NFASC: variants seen among roughly 807,000 people sequenced by gnomAD.
NFASC encodes neurofascin homolog.
NFASC carries 43 observed loss-of-function variants against 147.5 expected under a neutral mutation model. The observed-to-expected ratio is 0.29, with a 90% CI of 0.23 to 0.38. NFASC has a LOEUF of 0.38. Ranked by LOEUF, NFASC falls within the 10% of genes least tolerant of loss-of-function variation. NFASC has a pLI of 1.00. For synonymous variants in NFASC, 622 were observed against 665.5 expected (o/e 0.93, Z 1.01); for missense variants, 1,320 against 1,689.0 (o/e 0.78, Z 3.83).
intron 8 of NFASC, chr1:204,961,992 C>G (rs1484639954): frequency 4.1e-6 from 3 of 739,858 alleles, no homozygotes; most frequent in Non-Finnish European, 7.2e-6. Context: ...TTGCAAAAGA[C>G]CACTGCTGCC....
In NFASC at chr1:205,016,807, T is replaced by TCTCG. The variant is rs2096366239; in HGVS notation, c.*270_*273dup. 2 of 535,436 alleles carry TCTCG rather than the reference T, an allele frequency of 3.7e-6. No individual in the cohort carries two copies. The highest frequency in any genetic ancestry group is 3.8e-5 in the African/African-American group (2 of 52,694). 33.2% of individuals were successfully genotyped at this position (535,436 alleles called of 1,614,324 possible). On this transcript the variant is annotated 3_prime_UTR_variant, in exon 30 of 30. Coordinates refer to ENST00000339876, the MANE Select transcript of NFASC (RefSeq NM_001005388.3). This position sits in a 1 kb window ranked among gnomAD's most constrained non-coding sequence, Gnocchi z 5.1. ...GGAGGGAGCCTGGCCCCTTGCCCGG[T>TCTCG]CTCGCAGCCACCCCGAGCGTTCCAC... is the stretch of plus-strand genomic sequence containing the variant.
chr1:204,828,769 C>G lies in NFASC; in HGVS notation c.-213C>G. 1.0e-6 allele frequency: 1 copy of G among 985,432 alleles called. No individual in the cohort carries two copies. The allele number at this position is 985,432 out of a possible 1,614,324, so 61.0% of individuals were successfully genotyped here. On this transcript the variant is annotated 5_prime_UTR_variant, in exon 1 of 30. Coordinates refer to ENST00000339876, the MANE Select transcript of NFASC (RefSeq NM_001005388.3). ...CTCGGACAGCGCCCAGGGCCGGAGC[C>G]CGAGCCCTTGGAGGTAGGCGAGCGC...
Position 205,009,579 on chromosome 1 carries a change from C to G in NFASC, c.3312C>G (p.Asp1104Glu). ...TSTAYTNNQA[D>E]IATQGWFIGL... ...CAGCTTACACCAACAACCAAGCGGA[C>G]ATCGCCACCCAGGGCTGGTTCATTG... The change falls in exon 28 of 30, where the codon GAC becomes GAG. Residue 1104 changes from aspartate to glutamate, a missense_variant. Around this residue, in one of 3 missense-constraint regions of NFASC, gnomAD observed 167 missense variants for 233.8 expected, o/e 0.71. Transcript: ENST00000339876. 3 of 1,614,160 alleles carry G rather than the reference C, an allele frequency of 1.9e-6. No individual in the cohort carries two copies. The highest frequency in any genetic ancestry group is 2.5e-6 in the Non-Finnish European group (3 of 1,180,008).
At position 204,944,396 on chromosome 1, in the gene NFASC, T is replaced by A. The variant is rs916428378; in HGVS notation, c.81T>A (p.Ile27=). The change falls in exon 3 of 30, where the codon ATT becomes ATA. Residue 27 remains isoleucine (I), a synonymous_variant. Transcript: ENST00000339876. ...TCAGTCTTGGCGGAGCCATCGAAAT[T>A]CCTATGGATCGTGAGTCCTGCCCCA... The part of the protein sequence containing the change: ...CLLSLGGAIE[I]PMDPSIQNEL... The A allele has an allele frequency of 4.9e-6, 7 of 1,439,134 alleles. No homozygotes were observed. Among genetic ancestry groups the A allele is most frequent in the Non-Finnish European group, 6.5e-6 (7 of 1,070,180 alleles). The allele number at this position is 1,439,134 out of a possible 1,614,324, so 89.1% of individuals were successfully genotyped here. A position where few individuals can be genotyped will look rare whatever the true frequency, so the allele number is the denominator to read the frequency against.
chr1:205,001,323 G>A (rs377376867), intron 26 of NFASC, 37 bp downstream of exon 26: 111 of 1,381,024 alleles, frequency 8.0e-5, no homozygotes, highest in Non-Finnish European at 9.9e-5. Context: ...TGGCGGCAGC[G>A]GCGTCGGCAG....
intron 1 of NFASC, among the ~76,000 whole-genome samples, chr1:204,872,585 C>T (rs551708324): frequency 6.6e-6 from 1 of 152,270 alleles, no homozygotes; most frequent in South Asian, 2.1e-4. Flanking sequence ...GTGTCCTCCA[C>T]CAAGCTTTTT....
At position 204,988,772 on chromosome 1, in the gene NFASC, C is replaced by T. The variant is rs909359304; in HGVS notation, c.2733C>T (p.Ala911=). 7 of 1,614,044 alleles carry T rather than the reference C, an allele frequency of 4.3e-6. No individual in the cohort carries two copies. The highest frequency in any genetic ancestry group is 1.3e-5 in the African/African-American group (1 of 74,900). The change falls in exon 23 of 30, where the codon GCC becomes GCT. Residue 911 remains alanine, a synonymous_variant. Coordinates refer to ENST00000339876, the MANE Select transcript of NFASC (RefSeq NM_001005388.3). The part of the protein sequence containing the change: ...SARTQVGSGE[A]VTEESPAPPN... ...GGACGCAGGTGGGCTCTGGGGAAGCCGTCACAGAGGAGTCACCAGCACCCC... is the reference window on the plus strand; with the variant it reads ...GGACGCAGGTGGGCTCTGGGGAAGCTGTCACAGAGGAGTCACCAGCACCCC...
rs1427330526 is a variant in NFASC at position 205,010,039 on chromosome 1, G to A, written c.3421+351G>A. The A allele has an allele frequency of 4.1e-6, 1 of 245,588 alleles. No homozygotes were observed. The highest frequency in any genetic ancestry group is 2.2e-5 in the African/African-American group (1 of 45,388). 15.2% of individuals were successfully genotyped at this position (245,588 alleles called of 1,614,324 possible). A position where few individuals can be genotyped will look rare whatever the true frequency, so the allele number is the denominator to read the frequency against. On this transcript the variant is annotated intron_variant, in intron 28 of 29. Transcript: ENST00000339876. This position sits in a 1 kb window ranked among gnomAD's most constrained non-coding sequence, Gnocchi z 4.1. ...ATCTCATTAGGATCCTGTGTCCCAG[G>A]GAAGGAGAAAGGAAGAGAGGCATTT...
intron 24 of NFASC, among the ~76,000 whole-genome samples, chr1:204,996,531 G>A (rs987453773): frequency 3.3e-5 from 5 of 152,146 alleles, no homozygotes; most frequent in Admixed American, 2.0e-4. Flanking sequence ...GGAGAGGCAG[G>A]GGAATGACCG....
intron 2 of NFASC, among the ~76,000 whole-genome samples, chr1:204,926,442 G>T (rs1281607302): frequency 8.2e-6 from 1 of 122,166 alleles, no homozygotes; most frequent in Admixed American, 9.6e-5. Context: ...TTGAGAGAGG[G>T]TCTCACTGTT....
At chr1:204,884,812 T>G (rs1172630728) in intron 1 of NFASC, among the ~76,000 whole-genome samples, 1 of 152,166 alleles carries the variant, frequency 6.6e-6, no homozygotes, top group East Asian at 1.9e-4. Context: ...GTGCCTGCAC[T>G]GCACCCACCA....
At chr1:204,983,187 C>T (rs112815904) in intron 21 of NFASC, among the ~76,000 whole-genome samples, 151 of 152,242 alleles carry the variant, frequency 9.9e-4, no homozygotes, top group African/African-American at 3.4e-3. Context: ...TTAGAAGGGA[C>T]GAGGCAGAGC....
At chr1:205,000,844 AAAC>A (rs2095965621) in intron 25 of NFASC, 1 of 358,478 alleles carries the variant, frequency 2.8e-6, no homozygotes, top group African/African-American at 2.1e-5. Flanking sequence ...AAAAAACAGA[AAAC>A]AAAAAAACTC....
intron 24 of NFASC, among the ~76,000 whole-genome samples, chr1:204,993,053 G>A (rs116556567): frequency 0.011 from 1,750 of 152,290 alleles, 23 homozygotes; most frequent in African/African-American, 0.04. Context: ...CTTTAAATGC[G>A]TAAGAACCTT....
chr1:204,902,978 T>C (rs1471911511), intron 1 of NFASC, among the ~76,000 whole-genome samples: 1 of 152,158 alleles, frequency 6.6e-6, no homozygotes, highest in Non-Finnish European at 1.5e-5. Flanking sequence ...GAAGGTTAGA[T>C]TCGACCAGAG....
At chr1:204,899,738 A>G (rs182264600) in intron 1 of NFASC, among the ~76,000 whole-genome samples, 1 of 152,218 alleles carries the variant, frequency 6.6e-6, no homozygotes, top group Admixed American at 6.5e-5. Context: ...AATGACTTAC[A>G]TATCACCTTG....
At chr1:204,920,604 G>C (rs911564441) in intron 1 of NFASC, 28 bp from the exon 2 acceptor site, 1 of 1,138,172 alleles carries the variant, frequency 8.8e-7, no homozygotes, top group Admixed American at 2.3e-5. Flanking sequence ...GTAACCCTGG[G>C]GTTCTCCTTT....
At chr1:204,835,843 C>G (rs997110807) in intron 1 of NFASC, among the ~76,000 whole-genome samples, 1 of 152,162 alleles carries the variant, frequency 6.6e-6, no homozygotes, top group Non-Finnish European at 1.5e-5. Flanking sequence ...CTTCTGGCCT[C>G]CATGCTGAGC....
chr1:204,906,457 C>G (rs1016897931), intron 1 of NFASC, among the ~76,000 whole-genome samples: 1 of 152,130 alleles, frequency 6.6e-6, no homozygotes, highest in African/African-American at 2.4e-5. Context: ...AAATGAGATC[C>G]TACAGTATTG....
Sources: gnomAD v4.1 joint callset for allele counts (sites outside exome capture counted in the v4.1 genomes callset) on GRCh38, gnomAD v4.1.1 for gene constraint, gnomAD v4.1.1 regional missense constraint, Gnocchi (gnomAD v3.1) non-coding constraint, MANE v1.5 for transcripts, NCBI Gene and HGNC (gene_info 2026-07-23, HGNC 2026-07-21) for gene names.